VWC2: variants seen among roughly 807,000 people sequenced by gnomAD.
VWC2 encodes von Willebrand factor C domain containing 2.
In VWC2, 14 loss-of-function variants were observed where a neutral mutation model predicts 29.8. The ratio of observed to expected loss-of-function variants is 0.47; its 90% CI spans 0.31 to 0.74. VWC2 has a LOEUF of 0.74. VWC2 is among the 30% of genes least tolerant of loss of function. The pLI, the probability that VWC2 is intolerant of heterozygous loss-of-function variation, is 0.05. For missense variants in VWC2, 457 were observed against 459.8 expected (o/e 0.99, Z 0.05); for synonymous variants, 213 against 199.0 (o/e 1.07, Z -0.59).
intron 3 of VWC2, among the ~76,000 whole-genome samples, chr7:49,866,918 C>A (rs535888532): frequency 1.8e-4 from 27 of 152,350 alleles, no homozygotes; most frequent in Non-Finnish European, 2.9e-4. Flanking sequence ...CACAGCAAAG[C>A]CACCTTCTTC....
intron 3 of VWC2, among the ~76,000 whole-genome samples, chr7:49,841,074 G>A (rs889361003): frequency 3.3e-5 from 5 of 152,220 alleles, no homozygotes; most frequent in African/African-American, 1.2e-4. Flanking sequence ...CCAGAGGAAT[G>A]TGGACTGGAA....
chr7:49,907,287 A>T (rs1793154950), intron 3 of VWC2, among the ~76,000 whole-genome samples: 1 of 152,224 alleles, frequency 6.6e-6, no homozygotes, highest in Admixed American at 6.5e-5. Context: ...TGAAGTGGAG[A>T]GGATAAATGG....
intron 3 of VWC2, among the ~76,000 whole-genome samples, chr7:49,864,340 C>G (rs1790792715): frequency 6.6e-6 from 1 of 152,168 alleles, no homozygotes; most frequent in East Asian, 1.9e-4. Context: ...TTCCTTCACC[C>G]CTTAACTGGA....
At chr7:49,894,655 C>T (rs1792293025) in intron 3 of VWC2, among the ~76,000 whole-genome samples, 1 of 152,190 alleles carries the variant, frequency 6.6e-6, no homozygotes, top group Admixed American at 6.5e-5. Flanking sequence ...TGTGTTGGCT[C>T]CTGTCCTGAG....
At chr7:49,779,997 T>A (rs370373674) in intron 2 of VWC2, among the ~76,000 whole-genome samples, 17 of 152,232 alleles carry the variant, frequency 1.1e-4, no homozygotes, top group Admixed American at 7.9e-4. Flanking sequence ...TCTTAGCTAC[T>A]GGCGTGAGGA....
chr7:49,876,647 T>C (rs1407418885), intron 3 of VWC2, among the ~76,000 whole-genome samples: 1 of 152,172 alleles, frequency 6.6e-6, no homozygotes, highest in Non-Finnish European at 1.5e-5. Flanking sequence ...AATTGCCTTG[T>C]TGTTTTTTAG....
At position 49,889,686 on chromosome 7, in the gene VWC2, G is replaced by A. The variant is rs761871130; in HGVS notation, c.827-22348G>A. ...CCTAGGAGCTCCTCAAGGCTTTCAC[G>A]TTGCTTTTGCCAGTGACCACTGAAA... is the stretch of plus-strand genomic sequence containing the variant. On this transcript the variant is annotated intron_variant, in intron 3 of 3. Transcript: ENST00000340652. Among the ~76,000 whole-genome samples, 6 of 152,268 alleles carry A rather than the reference G, an allele frequency of 3.9e-5. No individual in the cohort carries two copies. The South Asian group carries it at 8.3e-4, about 21-fold the overall frequency.
chr7:49,784,877 T>A (rs757992364), intron 2 of VWC2, among the ~76,000 whole-genome samples: 2 of 151,974 alleles, frequency 1.3e-5, no homozygotes, highest in Non-Finnish European at 2.9e-5. Flanking sequence ...TAATGTGACC[T>A]CAAAAGAAAA....
At chr7:49,886,680 T>G (rs1254531598) in intron 3 of VWC2, among the ~76,000 whole-genome samples, 1 of 152,182 alleles carries the variant, frequency 6.6e-6, no homozygotes, top group East Asian at 1.9e-4. Flanking sequence ...AGGGGTTTGT[T>G]GTACAGATTA....
chr7:49,855,438 A>T (rs916443534), intron 3 of VWC2, among the ~76,000 whole-genome samples: 6 of 152,190 alleles, frequency 3.9e-5, no homozygotes, highest in Non-Finnish European at 8.8e-5. Context: ...TCCAGAGAGC[A>T]GGCTTTCAGG....
intron 3 of VWC2, among the ~76,000 whole-genome samples, chr7:49,881,562 T>C (rs1791665516): frequency 6.6e-6 from 1 of 152,182 alleles, no homozygotes; most frequent in African/African-American, 2.4e-5. Context: ...AAGATATGTG[T>C]TATTAGCCCC....
intron 3 of VWC2, among the ~76,000 whole-genome samples, chr7:49,827,877 C>T (rs1242522578): frequency 3.9e-5 from 6 of 152,076 alleles, no homozygotes; most frequent in Admixed American, 3.9e-4. Context: ...ATTTTGCTTT[C>T]TTATATATTC....
At chr7:49,823,224 A>C (rs1789305399) in intron 3 of VWC2, among the ~76,000 whole-genome samples, 2 of 152,172 alleles carry the variant, frequency 1.3e-5, no homozygotes, top group Admixed American at 1.3e-4. Flanking sequence ...GGACAGATGA[A>C]AGACAGAACT....
chr7:49,911,265 C>T (rs1470713551), intron 3 of VWC2, among the ~76,000 whole-genome samples: 3 of 151,930 alleles, frequency 2.0e-5, no homozygotes, highest in South Asian at 2.1e-4. Context: ...GGGCAGATCA[C>T]GAGGTCAAGA....
chr7:49,897,855 T>C (rs1792467655), intron 3 of VWC2, among the ~76,000 whole-genome samples: 2 of 152,224 alleles, frequency 1.3e-5, no homozygotes, highest in Non-Finnish European at 2.9e-5. Flanking sequence ...CTTTGAGTTT[T>C]ACTGCCAGGA....
chr7:49,912,368 C>G lies in VWC2; in HGVS notation c.*183C>G. 1 of 575,708 alleles carries G rather than the reference C, an allele frequency of 1.7e-6. No homozygotes were observed. Among genetic ancestry groups the G allele is most frequent in the East Asian group, 3.1e-5 (1 of 32,126 alleles). 35.7% of individuals were successfully genotyped at this position (575,708 alleles called of 1,614,324 possible). A position where few individuals can be genotyped will look rare whatever the true frequency, so the allele number is the denominator to read the frequency against. The stretch of plus-strand genomic sequence containing the variant: ...AGAAGGAAATGGATATATTTCAAAA[C>G]ATCAACAAGAACTTTGGGCATAAAA... On this transcript the variant is annotated 3_prime_UTR_variant, in exon 4 of 4. Coordinates refer to ENST00000340652, the MANE Select transcript of VWC2 (RefSeq NM_198570.5).
chr7:49,869,228 A>G (rs1791033966), intron 3 of VWC2, among the ~76,000 whole-genome samples: 1 of 152,214 alleles, frequency 6.6e-6, no homozygotes, highest in South Asian at 2.1e-4. Flanking sequence ...ATTGACTATA[A>G]TTCCATGAGA....
chr7:49,870,140 C>A (rs1791081725), intron 3 of VWC2, among the ~76,000 whole-genome samples: 1 of 152,190 alleles, frequency 6.6e-6, no homozygotes, highest in Non-Finnish European at 1.5e-5. Context: ...GTGGCTCATA[C>A]CTGTAATCCC....
chr7:49,908,847 A>G (rs1484305883), intron 3 of VWC2, among the ~76,000 whole-genome samples: 1 of 152,240 alleles, frequency 6.6e-6, no homozygotes, highest in Non-Finnish European at 1.5e-5. Context: ...TAATTTGAAC[A>G]TCAAAAAGAA....
Sources: allele counts gnomAD v4.1 joint callset (sites outside exome capture counted in the v4.1 genomes callset), GRCh38; gene constraint gnomAD v4.1.1; transcripts MANE v1.5; gene names NCBI Gene and HGNC (gene_info 2026-07-23, HGNC 2026-07-21).